The following FOXN1 variants were observed in gnomAD, a reference collection of about 807,000 sequenced individuals.
FOXN1 encodes forkhead box N1, also known as forkhead box protein N1.
Under a neutral mutation model 49.0 loss-of-function variants are expected in FOXN1, and 15 were observed. That is an observed-to-expected ratio of 0.31 (90% CI 0.20 to 0.47). The LOEUF is 0.47. Among genes scored for constraint, FOXN1 ranks in the 20% least tolerant of loss-of-function variants. The pLI, the probability that FOXN1 is intolerant of heterozygous loss-of-function variation, is 1.00. For missense variants in FOXN1, 800 were observed against 842.8 expected (o/e 0.95, Z 0.63); for synonymous variants, 356 against 369.0 (o/e 0.96, Z 0.40).
At chr17:28,520,885 C>A (rs1217895801) in intron 1 of FOXN1, among the ~76,000 whole-genome samples, 1 of 152,128 alleles carries the variant, frequency 6.6e-6, no homozygotes, top group Non-Finnish European at 1.5e-5. Context: ...GAAGGCCAGG[C>A]AGGCAAGGAG....
chr17:28,522,927 G>A (rs1444809083), intron 1 of FOXN1, among the ~76,000 whole-genome samples: 1 of 152,154 alleles, frequency 6.6e-6, no homozygotes, highest in Admixed American at 6.5e-5. Flanking sequence ...ACCAGGCACT[G>A]TGCTGAATGC....
intron 5 of FOXN1, 90 bp from the exon 6 acceptor site, chr17:28,530,659 C>T: frequency 1.3e-6 from 1 of 779,396 alleles, no homozygotes; most frequent in South Asian, 1.4e-5. Context: ...CCTCCAATCC[C>T]ATAGAGCCTC....
intron 1 of FOXN1, among the ~76,000 whole-genome samples, chr17:28,511,636 C>T (rs557524562): frequency 1.9e-4 from 29 of 152,200 alleles, no homozygotes; most frequent in East Asian, 5.8e-4. Flanking sequence ...GGTTCTCACT[C>T]GGTCCCCAGG....
Position 28,534,179 on chromosome 17 carries a change from C to T in FOXN1, c.928-152C>T. On this transcript the variant is annotated intron_variant, in intron 6 of 8. Transcript: ENST00000579795. This position sits in a 1 kb window ranked among gnomAD's most constrained non-coding sequence, Gnocchi z 4.1. ...TCCCCTACCACCAAAGGGTACCAAG[C>T]AAGGGATGGGTGCTGAGGAGGACAA... 1 of 1,082,366 alleles carries T rather than the reference C, an allele frequency of 9.2e-7. No individual in the cohort carries two copies. The allele number at this position is 1,082,366 out of a possible 1,614,324, so 67.0% of individuals were successfully genotyped here. A position where few individuals can be genotyped will look rare whatever the true frequency, so the allele number is the denominator to read the frequency against.
intron 1 of FOXN1, among the ~76,000 whole-genome samples, chr17:28,519,203 C>T (rs1426490053): frequency 6.6e-6 from 1 of 152,100 alleles, no homozygotes; most frequent in Non-Finnish European, 1.5e-5. Flanking sequence ...CGGTGGTGCA[C>T]ACCTGTAATC....
chr17:28,508,833 T>C (rs1389868684), intron 1 of FOXN1, among the ~76,000 whole-genome samples: 1 of 152,168 alleles, frequency 6.6e-6, no homozygotes, highest in Non-Finnish European at 1.5e-5. Flanking sequence ...CCCTCCCCTC[T>C]GTCCTTCCAA....
chr17:28,513,949 C>A (rs2151476803), intron 1 of FOXN1, among the ~76,000 whole-genome samples: 1 of 152,306 alleles, frequency 6.6e-6, no homozygotes, highest in South Asian at 2.1e-4. Flanking sequence ...GCATCTGAAG[C>A]AAAGCTGGGA....
Position 28,537,188 on chromosome 17 carries a change from A to G in FOXN1, c.1699A>G (p.Thr567Ala), listed in dbSNP as rs908202408. ...CCTGGTACTGGTGACCTCATCCCCG[A>G]CATCATCTTCGATGCCACCACCCCA... ...DPLVLVTSSP[T>A]SSSMPPPQPP... The change falls in exon 9 of 9, where the codon ACA becomes GCA. Residue 567 changes from threonine (T) to alanine (A), a missense_variant. Physicochemically the swap from Thr to Ala is moderately conservative, Grantham distance 58 (BLOSUM62 0). Transcript: ENST00000579795. 1 of 1,613,868 alleles carries G rather than the reference A, an allele frequency of 6.2e-7. No homozygotes were observed. The highest frequency in any genetic ancestry group is 8.5e-7 in the Non-Finnish European group (1 of 1,179,856).
chr17:28,510,710 G>A (rs2069377917), intron 1 of FOXN1, among the ~76,000 whole-genome samples: 1 of 152,146 alleles, frequency 6.6e-6, no homozygotes, highest in Admixed American at 6.5e-5. Context: ...ACTGTCAGTG[G>A]GGGCAGTGTC....
chr17:28,523,914 G>A, intron 1 of FOXN1, 42 bp from the exon 2 acceptor site: 1 of 1,611,236 alleles, frequency 6.2e-7, no homozygotes, highest in Non-Finnish European at 8.5e-7. Context: ...GGTCCCCACT[G>A]GATGCTGGTC....
At chr17:28,528,943 A>G (rs913418225) in intron 4 of FOXN1, 151 bp from the exon 5 acceptor site, 10 of 939,962 alleles carry the variant, frequency 1.1e-5, no homozygotes, top group Non-Finnish European at 1.5e-5. Context: ...AGCCCCTCAG[A>G]CAGCTCTGCT....
At chr17:28,518,465 G>A (rs754097829) in intron 1 of FOXN1, among the ~76,000 whole-genome samples, 1 of 152,220 alleles carries the variant, frequency 6.6e-6, no homozygotes, top group Non-Finnish European at 1.5e-5. Flanking sequence ...TGGGTAGAGC[G>A]GGCGCAGGCC....
In FOXN1 at chr17:28,530,863, C is replaced by T. The variant is rs751337959; in HGVS notation, c.927+18C>T. On this transcript the variant is annotated intron_variant, in intron 6 of 8. Transcript: ENST00000579795. ...ACTTCAAGGTGAGCCCAAGATTCCT[C>T]CCCATCCCATCACCCCCAAGTCCTG... 7.2e-7 allele frequency: 1 copy of T among 1,394,640 alleles called. No individual in the cohort carries two copies. Among genetic ancestry groups the T allele is most frequent in the Admixed American group, 1.7e-5 (1 of 59,726 alleles). 86.4% of individuals were successfully genotyped at this position (1,394,640 alleles called of 1,614,324 possible). A position where few individuals can be genotyped will look rare whatever the true frequency, so the allele number is the denominator to read the frequency against.
At chr17:28,509,805 G>A (rs1279053952) in intron 1 of FOXN1, among the ~76,000 whole-genome samples, 1 of 152,236 alleles carries the variant, frequency 6.6e-6, no homozygotes, top group African/African-American at 2.4e-5. Flanking sequence ...GCTTTCTCAG[G>A]GGGCTGGGAG....
At chr17:28,525,044 T>G (rs1442369249) in intron 3 of FOXN1, 77 bp downstream of exon 3, 1 of 1,167,038 alleles carries the variant, frequency 8.6e-7, no homozygotes, top group Non-Finnish European at 1.2e-6. Flanking sequence ...GTCAGACCTC[T>G]GAGACCAAAG....
intron 1 of FOXN1, among the ~76,000 whole-genome samples, chr17:28,521,498 C>CGGA (rs1403475997): frequency 1.3e-5 from 2 of 152,246 alleles, no homozygotes; most frequent in African/African-American, 4.8e-5. Flanking sequence ...GGCAGTGATG[C>CGGA]GGAGCGGGAG....
At chr17:28,529,360 C>A in intron 5 of FOXN1, 136 bp downstream of exon 5, 1 of 1,098,770 alleles carries the variant, frequency 9.1e-7, no homozygotes, top group Non-Finnish European at 1.4e-6. Flanking sequence ...CCAGAAGATG[C>A]TGGAGAGAGG....
rs1265516794 is a variant in FOXN1 at position 28,534,012 on chromosome 17, G to C, written c.928-319G>C. Among the ~76,000 whole-genome samples, 4 of 152,200 alleles carry C rather than the reference G, an allele frequency of 2.6e-5. No homozygotes were observed. The highest frequency in any genetic ancestry group is 2.6e-4 in the Admixed American group (4 of 15,282). On this transcript the variant is annotated intron_variant, in intron 6 of 8. Transcript: ENST00000579795. This position sits in a 1 kb window ranked among gnomAD's most constrained non-coding sequence, Gnocchi z 4.1. ...AGCTTCAGATGGGAGAGTGTTGTGGGTCAGAAGGCCTCTGTAGCGCCCACC... is the reference window on the plus strand; with the variant it reads ...AGCTTCAGATGGGAGAGTGTTGTGGCTCAGAAGGCCTCTGTAGCGCCCACC...
chr17:28,518,983 A>G (rs953659493), intron 1 of FOXN1, among the ~76,000 whole-genome samples: 2 of 152,174 alleles, frequency 1.3e-5, no homozygotes, highest in Admixed American at 6.5e-5. Flanking sequence ...AAAGGCTCTG[A>G]TTTGTAGGAT....
Sources: allele counts gnomAD v4.1 joint callset (sites outside exome capture counted in the v4.1 genomes callset), GRCh38; gene constraint gnomAD v4.1.1; non-coding constraint Gnocchi (gnomAD v3.1); transcripts MANE v1.5; gene names NCBI Gene and HGNC (gene_info 2026-07-23, HGNC 2026-07-21).